Variants in ST6GAL1 observed in about 807,000 individuals in gnomAD.
The protein encoded by ST6GAL1 is ST6 beta-galactoside alpha-2,6-sialyltransferase 1.
Under a neutral mutation model 38.0 loss-of-function variants are expected in ST6GAL1, and 20 were observed. The observed-to-expected ratio is 0.53, with a 90% confidence interval of 0.37 to 0.77. The LOEUF is 0.77. ST6GAL1 is among the 30% of genes least tolerant of loss of function. The pLI, the probability that ST6GAL1 is intolerant of heterozygous loss-of-function variation, is 0.00. For missense variants in ST6GAL1, 432 were observed against 496.4 expected (o/e 0.87, Z 1.23); for synonymous variants, 196 against 188.2 (o/e 1.04, Z -0.34).
At chr3:186,971,192 G>A (rs981649709) in intron 2 of ST6GAL1, among the ~76,000 whole-genome samples, 3 of 152,188 alleles carry the variant, frequency 2.0e-5, no homozygotes, top group African/African-American at 4.8e-5. Context: ...GGGTTCAAGC[G>A]ATTCTTCTGC....
chr3:186,988,380 C>T (rs893970210), intron 2 of ST6GAL1, among the ~76,000 whole-genome samples: 11 of 151,876 alleles, frequency 7.2e-5, no homozygotes, highest in African/African-American at 2.2e-4. Flanking sequence ...ATCACACTGA[C>T]GGAAAATTTG....
At chr3:187,068,948 A>G (rs1719266330) in intron 5 of ST6GAL1, among the ~76,000 whole-genome samples, 1 of 152,136 alleles carries the variant, frequency 6.6e-6, no homozygotes, top group South Asian at 2.1e-4. Flanking sequence ...CTATCTTACA[A>G]ATCCCCATCT....
chr3:186,973,729 C>T (rs759430022), intron 2 of ST6GAL1, among the ~76,000 whole-genome samples: 10 of 152,168 alleles, frequency 6.6e-5, no homozygotes, highest in Non-Finnish European at 1.2e-4. Flanking sequence ...CTCCTCCTCT[C>T]CTGGAGGCCC....
At chr3:187,035,943 G>A (rs1377617937) in intron 2 of ST6GAL1, among the ~76,000 whole-genome samples, 1 of 148,730 alleles carries the variant, frequency 6.7e-6, no homozygotes, top group Non-Finnish European at 1.5e-5. Flanking sequence ...TGCAGCAAAA[G>A]AAACTATCAA....
chr3:187,012,094 G>GGTCATCTATGTTA (rs1716972876), intron 2 of ST6GAL1, among the ~76,000 whole-genome samples: 1 of 151,968 alleles, frequency 6.6e-6, no homozygotes. Context: ...CCCAGGCTCC[G>GGTCATCTATGTTA]GTCATCTATG....
At chr3:186,965,406 A>G (rs1233501441) in intron 2 of ST6GAL1, among the ~76,000 whole-genome samples, 1 of 152,232 alleles carries the variant, frequency 6.6e-6, no homozygotes, top group Non-Finnish European at 1.5e-5. Context: ...AAATTAGCAT[A>G]ATGAAGTCCC....
chr3:186,946,946 A>G (rs578076631), intron 1 of ST6GAL1, among the ~76,000 whole-genome samples: 56 of 152,262 alleles, frequency 3.7e-4, no homozygotes, highest in Non-Finnish European at 6.8e-4. Context: ...TGGGGCCCAC[A>G]CGACAATGGA....
intron 1 of ST6GAL1, among the ~76,000 whole-genome samples, chr3:186,957,551 A>G (rs1301134793): frequency 6.6e-6 from 1 of 152,192 alleles, no homozygotes; most frequent in African/African-American, 2.4e-5. Context: ...GAAAGGGAAA[A>G]TTTATTAAAG....
Position 187,074,375 on chromosome 3 carries a change from A to G in ST6GAL1, c.979+42A>G, listed in dbSNP as rs781465453. ...GAAAAGACCTTGCATGTTTGTTTCT[A>G]GAAGAGATGAGCTTTTTTTCTGGGG... On this transcript the variant is annotated intron_variant, in intron 7 of 7. Transcript: ENST00000169298. 4.0e-6 allele frequency: 6 copies of G among 1,487,004 alleles called. No individual in the cohort carries two copies. The East Asian group carries it at 1.5e-4, about 37-fold the overall frequency. The allele number at this position is 1,487,004 out of a possible 1,614,324, so 92.1% of individuals were successfully genotyped here. A position where few individuals can be genotyped will look rare whatever the true frequency, so the allele number is the denominator to read the frequency against.
chr3:186,950,556 G>A (rs749088093), intron 1 of ST6GAL1, among the ~76,000 whole-genome samples: 1 of 152,218 alleles, frequency 6.6e-6, no homozygotes, highest in Admixed American at 6.5e-5. Context: ...TCACTAAAGT[G>A]CAGGCTCCAG....
At chr3:186,984,778 CCCTT>C (rs1715829814) in intron 2 of ST6GAL1, among the ~76,000 whole-genome samples, 1 of 29,056 alleles carries the variant, frequency 3.4e-5, no homozygotes, top group African/African-American at 1.3e-4. Flanking sequence ...TTCCTTCCTT[CCCTT>C]CCTCCCTTCC....
At chr3:187,071,468 G>A (rs970694108) in intron 5 of ST6GAL1, among the ~76,000 whole-genome samples, 7 of 151,042 alleles carry the variant, frequency 4.6e-5, no homozygotes, top group Non-Finnish European at 1.0e-4. Flanking sequence ...AATGAGGGCC[G>A]GCCGGGCGCG....
intron 2 of ST6GAL1, among the ~76,000 whole-genome samples, chr3:187,035,356 C>T (rs1036084804): frequency 6.6e-6 from 1 of 152,172 alleles, no homozygotes; most frequent in African/African-American, 2.4e-5. Flanking sequence ...CAACACTGTT[C>T]CTATCAAACT....
intron 2 of ST6GAL1, among the ~76,000 whole-genome samples, chr3:186,987,091 C>A (rs1348313841): frequency 1.4e-5 from 2 of 145,928 alleles, no homozygotes; most frequent in Non-Finnish European, 3.0e-5. Context: ...TTTACTCTTA[C>A]CATTTCTGAG....
chr3:187,027,084 A>C (rs1175419483), intron 2 of ST6GAL1, among the ~76,000 whole-genome samples: 2 of 151,850 alleles, frequency 1.3e-5, no homozygotes, highest in African/African-American at 4.8e-5. Context: ...AATAAAAAAT[A>C]AAATAAACAA....
intron 2 of ST6GAL1, among the ~76,000 whole-genome samples, chr3:187,028,349 C>T (rs145513058): frequency 1.3e-5 from 2 of 152,244 alleles, no homozygotes; most frequent in African/African-American, 4.8e-5. Flanking sequence ...TTTCTTCAAG[C>T]TCTTTAAAAC....
intron 2 of ST6GAL1, among the ~76,000 whole-genome samples, chr3:186,971,213 T>C (rs1054454907): frequency 3.3e-5 from 5 of 152,158 alleles, no homozygotes; most frequent in South Asian, 2.1e-4. Context: ...CTCAGCCTCC[T>C]GAGTAGCTGG....
chr3:186,985,145 G>C (rs1431996698), intron 2 of ST6GAL1, among the ~76,000 whole-genome samples: 1 of 151,954 alleles, frequency 6.6e-6, no homozygotes, highest in Admixed American at 6.6e-5. Context: ...CTGACCTCAA[G>C]TGATCCGCCC....
intron 5 of ST6GAL1, among the ~76,000 whole-genome samples, chr3:187,058,611 A>G (rs1718803394): frequency 6.8e-6 from 1 of 147,036 alleles, no homozygotes; most frequent in Admixed American, 6.9e-5. Context: ...TCAAATTTAT[A>G]TTTTGGCTTT....
Sources: gnomAD v4.1 joint callset for allele counts (sites outside exome capture counted in the v4.1 genomes callset) on GRCh38, gnomAD v4.1.1 for gene constraint, MANE v1.5 for transcripts, NCBI Gene and HGNC (gene_info 2026-07-23, HGNC 2026-07-21) for gene names.